Variants in PARP8 observed in about 807,000 individuals in gnomAD.
The protein encoded by PARP8 is protein mono-ADP-ribosyltransferase PARP8.
PARP8 carries 51 observed loss-of-function variants against 124.1 expected under a neutral mutation model. The ratio of observed to expected loss-of-function variants is 0.41; its 90% CI spans 0.33 to 0.52. The LOEUF (loss-of-function observed/expected upper bound fraction) is 0.52. Among genes scored for constraint, PARP8 ranks in the 20% least tolerant of loss-of-function variants. The pLI is 0.21. For missense variants in PARP8, 860 were observed against 1,018.9 expected, an observed-to-expected ratio of 0.84 and a Z score of 2.12; for synonymous variants, 391 against 361.5, an observed-to-expected ratio of 1.08 and a Z score of -0.93.
intron 10 of PARP8, among the ~76,000 whole-genome samples, chr5:50,790,526 T>G (rs1741831019): frequency 6.6e-6 from 1 of 152,202 alleles, no homozygotes; most frequent in South Asian, 2.1e-4. Flanking sequence ...ACTGTTCTAC[T>G]TTGTGTACTT....
intron 2 of PARP8, among the ~76,000 whole-genome samples, chr5:50,729,480 C>T (rs1375694248): frequency 4.6e-5 from 7 of 152,090 alleles, no homozygotes; most frequent in Non-Finnish European, 1.0e-4. Context: ...GGACCAAGTG[C>T]TGTGTAACTA....
chr5:50,830,250 A>G (rs1746798613), intron 22 of PARP8, among the ~76,000 whole-genome samples: 1 of 152,198 alleles, frequency 6.6e-6, no homozygotes, highest in Admixed American at 6.5e-5. Context: ...GCAAAGCACT[A>G]TGTAGGGCAC....
chr5:50,688,659 C>T (rs569944326), intron 2 of PARP8, among the ~76,000 whole-genome samples: 2 of 152,240 alleles, frequency 1.3e-5, no homozygotes, highest in Admixed American at 6.5e-5. Flanking sequence ...TAATTCTCAT[C>T]TTTATATAGG....
chr5:50,739,200 G>C lies in PARP8; in HGVS notation c.147-10951G>C, dbSNP rs569922375. 3.0e-5 allele frequency: 19 copies of C among 632,838 alleles called. 1 individual carries two copies. Among genetic ancestry groups the C allele is most frequent in the African/African-American group, 1.6e-4 (9 of 56,280 alleles). 39.2% of individuals were successfully genotyped at this position (632,838 alleles called of 1,614,324 possible). On this transcript the variant is annotated intron_variant, in intron 2 of 25. Transcript: ENST00000281631. ...AACTCCTTTCCTTCCATTGCAGGGG[G>C]ATCTGTTATCCTGATGGCTTATCCA... is the stretch of plus-strand genomic sequence containing the variant.
chr5:50,686,728 C>T (rs1751907158), intron 2 of PARP8, among the ~76,000 whole-genome samples: 1 of 152,190 alleles, frequency 6.6e-6, no homozygotes, highest in Non-Finnish European at 1.5e-5. Context: ...TGTGCACCTG[C>T]AGGCTCAACA....
chr5:50,687,867 T>C (rs115081673), intron 2 of PARP8, among the ~76,000 whole-genome samples: 6,566 of 151,904 alleles, frequency 0.043, 447 homozygotes, highest in African/African-American at 0.15. Context: ...AAATTCAAGA[T>C]GAGATTTGTA....
chr5:50,837,176 A>G (rs1747676075), intron 25 of PARP8, among the ~76,000 whole-genome samples: 1 of 152,178 alleles, frequency 6.6e-6, no homozygotes, highest in South Asian at 2.1e-4. Context: ...TTCCTAAATA[A>G]TACAAGGAAA....
intron 7 of PARP8, among the ~76,000 whole-genome samples, chr5:50,767,207 T>A (rs1761139882): frequency 6.6e-6 from 1 of 152,184 alleles, no homozygotes; most frequent in Non-Finnish European, 1.5e-5. Context: ...GATAGAAATC[T>A]TTTTTCGTTT....
intron 6 of PARP8, 115 bp from the exon 7 acceptor site, chr5:50,763,033 A>G (rs1306875835): frequency 3.0e-6 from 2 of 671,894 alleles, no homozygotes; most frequent in Non-Finnish European, 5.3e-6. Flanking sequence ...ATATTACTTT[A>G]TTGAAGCTAA....
chr5:50,667,117 G>A lies in PARP8; in HGVS notation c.22G>A (p.Glu8Lys), dbSNP rs1223895933. 5.6e-6 allele frequency: 9 copies of A among 1,596,394 alleles called. No individual in the cohort carries two copies. The highest frequency in any genetic ancestry group is 1.7e-5 in the Admixed American group (1 of 60,014). The change falls in exon 1 of 26, where the codon GAG (glutamate) becomes AAG (lysine). Residue 8 changes from glutamate to lysine, a missense_variant. Physicochemically the swap from Glu to Lys is moderately conservative, Grantham distance 56. Transcript: ENST00000281631. MGMCSRQ[E>K]RIQKDIDVVI... ...TTTAATGGGGATGTGTTCAAGGCAA[G>A]AGCGAATTCAGAAGGATATCGACGT...
At chr5:50,821,509 C>T (rs569657589) in intron 16 of PARP8, among the ~76,000 whole-genome samples, 171 bp downstream of exon 16, 2 of 152,198 alleles carry the variant, frequency 1.3e-5, no homozygotes, top group East Asian at 3.9e-4. Context: ...ACTTACATAA[C>T]CTCATTTTGA....
rs568631009 is a variant in PARP8, at chr5:50,805,427, G to A, written c.1575+8194G>A. ...TTTGCTTTCATGCTGCAAATAGGGA[G>A]ACTAAGATTTATAGAGGTTAAGCAG... On this transcript the variant is annotated intron_variant, in intron 14 of 25. Transcript: ENST00000281631. Among the ~76,000 whole-genome samples the A allele has an allele frequency of 1.8e-3, 273 of 152,068 alleles. 1 individual carries two copies. The highest frequency in any genetic ancestry group is 6.3e-3 in the African/African-American group (260 of 41,522).
At chr5:50,765,421 A>G (rs1350283928) in intron 7 of PARP8, among the ~76,000 whole-genome samples, 2 of 152,192 alleles carry the variant, frequency 1.3e-5, no homozygotes, top group Admixed American at 6.5e-5. Flanking sequence ...TCCTTCACCA[A>G]GCATTTGTTA....
intron 2 of PARP8, among the ~76,000 whole-genome samples, chr5:50,688,053 T>G (rs1752069003): frequency 6.6e-6 from 1 of 152,216 alleles, no homozygotes; most frequent in Non-Finnish European, 1.5e-5. Flanking sequence ...CTTGCTGTGT[T>G]GCCCAGGCTT....
At chr5:50,739,964 T>A (rs954145251) in intron 2 of PARP8, among the ~76,000 whole-genome samples, 7 of 152,018 alleles carry the variant, frequency 4.6e-5, no homozygotes, top group African/African-American at 1.7e-4. Flanking sequence ...TTGGCCAGGC[T>A]GGTCTTGAAC....
intron 9 of PARP8, among the ~76,000 whole-genome samples, chr5:50,785,976 C>A (rs1425519763): frequency 6.6e-6 from 1 of 151,560 alleles, no homozygotes; most frequent in Non-Finnish European, 1.5e-5. Flanking sequence ...CAATTCAGTT[C>A]TCCTCCTCCT....
chr5:50,813,858 T>C (rs1463923883), intron 14 of PARP8, among the ~76,000 whole-genome samples: 1 of 152,094 alleles, frequency 6.6e-6, no homozygotes, highest in African/African-American at 2.4e-5. Context: ...CACACAAATA[T>C]ACGTATTTAG....
chr5:50,723,761 G>A (rs1756143425), intron 2 of PARP8, among the ~76,000 whole-genome samples: 1 of 151,972 alleles, frequency 6.6e-6, no homozygotes, highest in Admixed American at 6.6e-5. Context: ...TGCCAAACAG[G>A]CTTTTTACTA....
intron 9 of PARP8, among the ~76,000 whole-genome samples, chr5:50,782,475 A>C (rs1740779595): frequency 6.6e-6 from 1 of 152,244 alleles, no homozygotes; most frequent in African/African-American, 2.4e-5. Context: ...AGAACTGGAG[A>C]CAGTGTTACT....
Sources: gnomAD v4.1 joint callset for allele counts (sites outside exome capture counted in the v4.1 genomes callset) on GRCh38, gnomAD v4.1.1 for gene constraint, MANE v1.5 for transcripts, NCBI Gene and HGNC (gene_info 2026-07-23, HGNC 2026-07-21) for gene names.